Variants in PPP4R3B observed in about 807,000 individuals in gnomAD.
PPP4R3B encodes the protein protein phosphatase 4 regulatory subunit 3B.
In PPP4R3B, 52 loss-of-function variants were observed where a neutral mutation model predicts 95.4. The ratio of observed to expected loss-of-function variants is 0.54; its 90% CI spans 0.44 to 0.69. PPP4R3B has a LOEUF of 0.69. Ranked by LOEUF, PPP4R3B falls within the 30% of genes least tolerant of loss-of-function variation. The pLI is 0.00. For missense variants in PPP4R3B, 1,003 were observed against 1,005.9 expected, an observed-to-expected ratio of 1.00 and a Z score of 0.04; for synonymous variants, 407 against 343.9, an observed-to-expected ratio of 1.18 and a Z score of -2.03.
At chr2:55,592,572 G>A (rs1373299204) in intron 4 of PPP4R3B, among the ~76,000 whole-genome samples, 1 of 152,116 alleles carries the variant, frequency 6.6e-6, no homozygotes, top group Non-Finnish European at 1.5e-5. Context: ...CTGTAACTGG[G>A]ATGGGAAGTT....
intron 2 of PPP4R3B, among the ~76,000 whole-genome samples, chr2:55,612,789 C>A (rs542609690): frequency 1.4e-4 from 22 of 151,740 alleles, no homozygotes; most frequent in Non-Finnish European, 3.2e-4. Context: ...CTAAAAAATA[C>A]AAAAAAATTA....
chr2:55,552,406 T>A (rs1685352296), intron 16 of PPP4R3B, among the ~76,000 whole-genome samples: 1 of 152,182 alleles, frequency 6.6e-6, no homozygotes, highest in African/African-American at 2.4e-5. Flanking sequence ...TGAATATATA[T>A]ATATTTTTTA....
chr2:55,578,175 AAAT>A, intron 10 of PPP4R3B, 69 bp downstream of exon 10: 2 of 1,247,062 alleles, frequency 1.6e-6, no homozygotes, highest in Non-Finnish European at 1.0e-6. Context: ...AAAACAAGAA[AAAT>A]AATACCGTAT....
chr2:55,582,078 G>C (rs1437764923), intron 7 of PPP4R3B, among the ~76,000 whole-genome samples: 1 of 152,022 alleles, frequency 6.6e-6, no homozygotes, highest in East Asian at 1.9e-4. Flanking sequence ...AAACAAGCAA[G>C]ATCACATGAC....
chr2:55,554,541 C>T (rs1247113475), intron 16 of PPP4R3B, among the ~76,000 whole-genome samples: 1 of 152,180 alleles, frequency 6.6e-6, no homozygotes. Flanking sequence ...ATATGGGCCA[C>T]TTGTGTATCT....
chr2:55,601,482 C>A (rs541844423), intron 3 of PPP4R3B, among the ~76,000 whole-genome samples: 1 of 151,768 alleles, frequency 6.6e-6, no homozygotes, highest in South Asian at 2.1e-4. Flanking sequence ...CCAGGTTCAT[C>A]CCATTCTCCT....
intron 3 of PPP4R3B, among the ~76,000 whole-genome samples, chr2:55,602,407 C>CT (rs1692743610): frequency 2.0e-5 from 3 of 152,186 alleles, no homozygotes; most frequent in African/African-American, 7.2e-5. Context: ...GAGGTAAACT[C>CT]TAAGCACTCA....
Position 55,581,588 on chromosome 2 carries a change from C to T in PPP4R3B, c.1344G>A (p.Glu448=), listed in dbSNP as rs1201407172. 16 of 1,612,876 alleles carry T rather than the reference C, an allele frequency of 9.9e-6. No individual in the cohort carries two copies. Among genetic ancestry groups the T allele is most frequent in the Middle Eastern group, 1.7e-4 (1 of 6,052 alleles). Residue 448 remains glutamate (E), a synonymous_variant, in exon 8 of 17, where the codon GAG becomes GAA. Transcript: ENST00000616407. ...MGLLRTLIDP[E]NMLATTNKTE... ...TTACATTAGTTGTAGCCAGCATGTTCTCTGGATCAATTAGAGTACGAAGAA... is the reference window on the plus strand; with the variant it reads ...TTACATTAGTTGTAGCCAGCATGTTTTCTGGATCAATTAGAGTACGAAGAA...
chr2:55,592,099 C>T lies in PPP4R3B; in HGVS notation c.922-3143G>A, dbSNP rs561070490. Among the ~76,000 whole-genome samples, 8 of 152,250 alleles carry T rather than the reference C, an allele frequency of 5.3e-5. No individual in the cohort carries two copies. The South Asian group carries it at 1.7e-3, about 32-fold the overall frequency. On this transcript the variant is annotated intron_variant, in intron 4 of 16. Transcript: ENST00000616407. ...AGTCTAAATCAAACTCTTCTCTTTGCAGTAATATAAATACAGGCCAAACAA... is the reference window on the plus strand; with the variant it reads ...AGTCTAAATCAAACTCTTCTCTTTGTAGTAATATAAATACAGGCCAAACAA...
chr2:55,572,148 TTACA>T (rs1688088830), intron 12 of PPP4R3B, among the ~76,000 whole-genome samples: 1 of 152,158 alleles, frequency 6.6e-6, no homozygotes, highest in Non-Finnish European at 1.5e-5. Flanking sequence ...TTCACATGTG[TTACA>T]TACATAAATG....
chr2:55,586,841 T>A (rs2104316159), intron 5 of PPP4R3B, 107 bp from the exon 6 acceptor site: 2 of 592,522 alleles, frequency 3.4e-6, no homozygotes, highest in East Asian at 5.8e-5. Context: ...GGATCTCATC[T>A]TTTTGGAGTA....
chr2:55,570,849 T>A (rs951311072), intron 12 of PPP4R3B, among the ~76,000 whole-genome samples: 29 of 152,208 alleles, frequency 1.9e-4, no homozygotes, highest in Non-Finnish European at 3.2e-4. Flanking sequence ...TGTGGCAGGA[T>A]AAGAAATGGT....
chr2:55,575,726 C>T (rs1688582697), intron 11 of PPP4R3B, among the ~76,000 whole-genome samples: 1 of 152,106 alleles, frequency 6.6e-6, no homozygotes, highest in African/African-American at 2.4e-5. Context: ...GTGTGAGCCA[C>T]CACGCTTGGC....
At chr2:55,591,268 C>G (rs1438452721) in intron 4 of PPP4R3B, among the ~76,000 whole-genome samples, 1 of 151,592 alleles carries the variant, frequency 6.6e-6, no homozygotes, top group Non-Finnish European at 1.5e-5. Context: ...TCCCATGTAA[C>G]AGAGACTGCG....
intron 16 of PPP4R3B, among the ~76,000 whole-genome samples, chr2:55,555,294 A>AAAG (rs1553459811): frequency 2.0e-5 from 3 of 150,944 alleles, no homozygotes; most frequent in African/African-American, 4.8e-5. Context: ...AAAAAAAAAA[A>AAAG]AAAGAAAGAA....
intron 11 of PPP4R3B, among the ~76,000 whole-genome samples, chr2:55,575,889 T>C (rs1454022851): frequency 6.6e-6 from 1 of 152,234 alleles, no homozygotes; most frequent in Non-Finnish European, 1.5e-5. Context: ...TAAATTAGCA[T>C]TGTAATAACA....
chr2:55,581,475 AAT>A, intron 8 of PPP4R3B, 90 bp downstream of exon 8: 22 of 1,347,304 alleles, frequency 1.6e-5, no homozygotes, highest in Non-Finnish European at 2.2e-5. Flanking sequence ...CAACTGGACA[AAT>A]ACTTAAAATA....
At chr2:55,607,490 T>A (rs1693580707) in intron 2 of PPP4R3B, among the ~76,000 whole-genome samples, 1 of 152,216 alleles carries the variant, frequency 6.6e-6, no homozygotes, top group African/African-American at 2.4e-5. Context: ...TCTACCAGTT[T>A]ATTATAATAT....
intron 16 of PPP4R3B, among the ~76,000 whole-genome samples, chr2:55,556,780 A>T (rs1685900246): frequency 1.3e-5 from 2 of 152,210 alleles, no homozygotes; most frequent in Non-Finnish European, 2.9e-5. Context: ...AAAACAAGAA[A>T]GTCGGCCGGG....
Sources: gnomAD v4.1 joint callset for allele counts (sites outside exome capture counted in the v4.1 genomes callset) on GRCh38, gnomAD v4.1.1 for gene constraint, MANE v1.5 for transcripts, NCBI Gene and HGNC (gene_info 2026-07-23, HGNC 2026-07-21) for gene names.